MCC: variants seen among roughly 807,000 people sequenced by gnomAD.
MCC encodes colorectal mutant cancer protein.
A neutral mutation model predicts 116.2 loss-of-function variants in MCC; 90 were observed. That is an observed-to-expected ratio of 0.77 (90% confidence interval 0.65 to 0.92). The LOEUF (loss-of-function observed/expected upper bound fraction) is 0.92. MCC is among the 40% of genes least tolerant of loss of function. MCC has a pLI of 0.00. For missense variants in MCC, 1,516 were observed against 1,312.2 expected (o/e 1.16, Z -2.40); for synonymous variants, 578 against 510.5 (o/e 1.13, Z -1.78).
chr5:113,332,371 T>C (rs928472900), intron 3 of MCC, among the ~76,000 whole-genome samples: 1 of 151,366 alleles, frequency 6.6e-6, no homozygotes, highest in African/African-American at 2.5e-5. Flanking sequence ...TAAGATTTAC[T>C]TAATTCTTTG....
intron 3 of MCC, among the ~76,000 whole-genome samples, chr5:113,265,835 C>T (rs541522934): frequency 6.6e-6 from 1 of 152,028 alleles, no homozygotes; most frequent in African/African-American, 2.4e-5. Flanking sequence ...TCCAAATGCC[C>T]GGGAGACAGG....
chr5:113,156,872 CTT>C (rs1313041672), intron 3 of MCC, among the ~76,000 whole-genome samples: 4 of 152,128 alleles, frequency 2.6e-5, no homozygotes, highest in Non-Finnish European at 4.4e-5. Context: ...TAAAACATAA[CTT>C]GAGTAAAATA....
chr5:113,306,568 G>C (rs1766989770), intron 3 of MCC, among the ~76,000 whole-genome samples: 1 of 152,064 alleles, frequency 6.6e-6, no homozygotes, highest in South Asian at 2.1e-4. Context: ...TTTAAATTGG[G>C]TTGTCTTTTT....
At chr5:113,367,091 G>T (rs1040449974) in intron 2 of MCC, among the ~76,000 whole-genome samples, 4 of 152,106 alleles carry the variant, frequency 2.6e-5, no homozygotes, top group African/African-American at 9.7e-5. Context: ...GTGAGCTGCT[G>T]TACCTAGCTT....
intron 3 of MCC, among the ~76,000 whole-genome samples, chr5:113,191,659 G>A (rs545813661): frequency 6.6e-6 from 1 of 152,212 alleles, no homozygotes; most frequent in African/African-American, 2.4e-5. Context: ...AGGAAGCCAG[G>A]TCATGGGGCT....
At chr5:113,209,466 G>C (rs1763036322) in intron 3 of MCC, among the ~76,000 whole-genome samples, 1 of 152,188 alleles carries the variant, frequency 6.6e-6, no homozygotes, top group African/African-American at 2.4e-5. Flanking sequence ...AGAGGAAATA[G>C]AAAGATGACA....
intron 17 of MCC, among the ~76,000 whole-genome samples, chr5:113,040,123 G>A (rs1452425692): frequency 6.6e-6 from 1 of 151,874 alleles, no homozygotes; most frequent in African/African-American, 2.4e-5. Flanking sequence ...TGCAATAAAT[G>A]TTCACCGAAG....
At chr5:113,058,528 A>G (rs576643524) in intron 14 of MCC, among the ~76,000 whole-genome samples, 2 of 152,310 alleles carry the variant, frequency 1.3e-5, no homozygotes, top group East Asian at 1.9e-4. Flanking sequence ...CCTCAGGCTA[A>G]GTGGGCATTT....
At chr5:113,198,072 C>G (rs1212324236) in intron 3 of MCC, among the ~76,000 whole-genome samples, 1 of 152,214 alleles carries the variant, frequency 6.6e-6, no homozygotes, top group Non-Finnish European at 1.5e-5. Flanking sequence ...AACAGGAAAG[C>G]TGGTGCACTG....
At chr5:113,425,562 A>T (rs1770459002) in intron 1 of MCC, among the ~76,000 whole-genome samples, 3 of 152,222 alleles carry the variant, frequency 2.0e-5, no homozygotes, top group South Asian at 2.1e-4. Flanking sequence ...AGAATAGGTA[A>T]AGGGGAAGTG....
chr5:113,286,194 G>C (rs899585194), intron 3 of MCC, among the ~76,000 whole-genome samples: 1 of 152,208 alleles, frequency 6.6e-6, no homozygotes, highest in Non-Finnish European at 1.5e-5. Flanking sequence ...AACTAACCTG[G>C]AGACACCGGG....
rs373730711 is a variant in MCC at position 113,084,154 on chromosome 5, C to G, written c.1582G>C (p.Glu528Gln). 6.2e-7 allele frequency: 1 copy of G among 1,614,160 alleles called. No homozygotes were observed. Among genetic ancestry groups the G allele is most frequent in the Non-Finnish European group, 8.5e-7 (1 of 1,180,012 alleles). Residue 528 changes from glutamate to glutamine, a missense_variant, in exon 10 of 19, where the codon GAA becomes CAA. Coordinates refer to ENST00000408903, the MANE Select transcript of MCC (RefSeq NM_001085377.2). ...ACTGGCCGATCAGATGATGACGATT[C>G]GGACCTTGTCTTTGATAGCTTCACC... ...ERVKLSKTRS[E>Q]SSSSDRPVLG...
intron 3 of MCC, among the ~76,000 whole-genome samples, chr5:113,241,913 G>A (rs1001266283): frequency 8.5e-5 from 13 of 152,176 alleles, no homozygotes; most frequent in African/African-American, 3.1e-4. Flanking sequence ...TATTCCCATA[G>A]AGCTTCAAAT....
chr5:113,430,694 A>T (rs1021670089), intron 1 of MCC, among the ~76,000 whole-genome samples: 1 of 152,208 alleles, frequency 6.6e-6, no homozygotes, highest in East Asian at 1.9e-4. Flanking sequence ...GTAGGAGGGC[A>T]TGGAAAAGTA....
chr5:113,038,091 G>C (rs1202122976), intron 17 of MCC, among the ~76,000 whole-genome samples: 1 of 152,156 alleles, frequency 6.6e-6, no homozygotes, highest in Non-Finnish European at 1.5e-5. Context: ...GGATTTTAAG[G>C]AATTATGACC....
At chr5:113,452,095 G>A (rs1771416064) in intron 1 of MCC, among the ~76,000 whole-genome samples, 1 of 152,130 alleles carries the variant, frequency 6.6e-6, no homozygotes, top group South Asian at 2.1e-4. Flanking sequence ...GGATAGCCTA[G>A]ACTTAATATG....
chr5:113,328,974 T>G (rs1767631372), intron 3 of MCC, among the ~76,000 whole-genome samples: 1 of 152,100 alleles, frequency 6.6e-6, no homozygotes, highest in Non-Finnish European at 1.5e-5. Flanking sequence ...TGGGGGCACA[T>G]AAATGAGTAG....
intron 3 of MCC, among the ~76,000 whole-genome samples, chr5:113,213,530 G>C (rs1763204178): frequency 6.6e-6 from 1 of 152,154 alleles, no homozygotes; most frequent in Non-Finnish European, 1.5e-5. Flanking sequence ...TCATAAAAGA[G>C]AACAACGACA....
intron 8 of MCC, among the ~76,000 whole-genome samples, chr5:113,085,557 A>G (rs1755152869): frequency 6.6e-6 from 1 of 152,190 alleles, no homozygotes; most frequent in Admixed American, 6.5e-5. Flanking sequence ...TGATGATATT[A>G]CTAGTTTTTA....
Sources: allele counts gnomAD v4.1 joint callset (sites outside exome capture counted in the v4.1 genomes callset), GRCh38; gene constraint gnomAD v4.1.1; transcripts MANE v1.5; gene names NCBI Gene and HGNC (gene_info 2026-07-23, HGNC 2026-07-21).